PTPRB: variants seen among roughly 807,000 people sequenced by gnomAD.
PTPRB encodes the protein receptor-type tyrosine-protein phosphatase beta.
Under a neutral mutation model 238.1 loss-of-function variants are expected in PTPRB, and 97 were observed. The observed-to-expected ratio is 0.41, with a 90% confidence interval of 0.35 to 0.48. The LOEUF (loss-of-function observed/expected upper bound fraction) is 0.48. PTPRB is among the 20% of genes least tolerant of loss of function. PTPRB has a pLI of 0.30. For synonymous variants in PTPRB, 970 were observed against 995.4 expected (o/e 0.97, Z 0.48); for missense variants, 2,292 against 2,681.9 (o/e 0.85, Z 3.21).
intron 32 of PTPRB, among the ~76,000 whole-genome samples, chr12:70,528,670 A>G (rs77862542): frequency 0.033 from 5,023 of 152,254 alleles, 286 homozygotes; most frequent in African/African-American, 0.11. Flanking sequence ...AAAAATAGAA[A>G]TAATAAATAA....
chr12:70,552,843 C>T lies in PTPRB; in HGVS notation c.5321G>A (p.Gly1774Asp), dbSNP rs1877097199. The change falls in exon 21 of 34, where the codon GGT (glycine) becomes GAT (aspartate). Residue 1774 changes from glycine (G) to aspartate (D), a missense_variant. Gly to Asp is a moderately conservative substitution (Grantham distance 94). Transcript: ENST00000334414. ...TTGCTGAGTGGGATCGCATTTTCCA[C>T]CTAGGCTCTCCATCTCTGCTCCAAG... The part of the protein sequence containing the change: ...IKLGAEMESL[G>D]GKCDPTQQKF... The T allele has an allele frequency of 6.2e-7, 1 of 1,613,994 alleles. No homozygotes were observed. Among genetic ancestry groups the T allele is most frequent in the Non-Finnish European group, 8.5e-7 (1 of 1,179,882 alleles).
intron 9 of PTPRB, chr12:70,585,275 A>G (rs1881783357): frequency 6.6e-6 from 1 of 152,190 alleles, no homozygotes; most frequent in African/African-American, 2.4e-5. Flanking sequence ...GGAAATCTTG[A>G]TGACTTTGCT....
chr12:70,574,578 CG>C (rs1565963618), intron 11 of PTPRB, among the ~76,000 whole-genome samples: 4 of 152,066 alleles, frequency 2.6e-5, no homozygotes, highest in African/African-American at 9.7e-5. Context: ...CCAGGTGGAA[CG>C]GGGTAATTTG....
intron 6 of PTPRB, among the ~76,000 whole-genome samples, chr12:70,593,546 G>GT (rs1882704620): frequency 6.6e-6 from 1 of 150,540 alleles, no homozygotes; most frequent in Non-Finnish European, 1.5e-5. Flanking sequence ...AAAAAGAATG[G>GT]GCACAGCACT....
intron 20 of PTPRB, among the ~76,000 whole-genome samples, chr12:70,553,568 C>A (rs1877220788): frequency 6.6e-6 from 1 of 152,186 alleles, no homozygotes; most frequent in Non-Finnish European, 1.5e-5. Flanking sequence ...AATTTGGCCC[C>A]TTACTCAGAG....
intron 16 of PTPRB, among the ~76,000 whole-genome samples, chr12:70,561,142 C>A (rs376285230): frequency 6.6e-6 from 1 of 152,168 alleles, no homozygotes; most frequent in Non-Finnish European, 1.5e-5. Context: ...GTGGTGACTT[C>A]TAGATGCTTG....
At position 70,594,587 on chromosome 12, in the gene PTPRB, C is replaced by T. The variant is rs751131812; in HGVS notation, c.1396G>A (p.Val466Met). The T allele has an allele frequency of 2.7e-5, 43 of 1,613,888 alleles. 3 individuals are homozygous for T. In the South Asian group the frequency reaches 3.1e-4, roughly 12 times the overall value. The change falls in exon 6 of 34, where the codon GTG becomes ATG. Residue 466 changes from valine to methionine, a missense_variant. This residue lies in a region of PTPRB where 1,205 missense variants were observed against 1,287.8 expected (regional missense o/e 0.94). Coordinates refer to ENST00000334414, the MANE Select transcript of PTPRB (RefSeq NM_001109754.4). The stretch of plus-strand genomic sequence containing the variant: ...GCATAGGAAGTAGCATGTTTGTCCA[C>T]AACACCGCCATGAACTAGGATCCCT... ...DKGILVHGGV[V>M]DKHATSYAFH...
chr12:70,558,910 T>C (rs1878084152), intron 18 of PTPRB: 1 of 213,402 alleles, frequency 4.7e-6, no homozygotes, highest in Non-Finnish European at 9.4e-6. Context: ...TCCTCTCTCA[T>C]CTTGGAATAT....
chr12:70,629,568 T>C (rs1885350524), intron 2 of PTPRB, among the ~76,000 whole-genome samples: 1 of 152,038 alleles, frequency 6.6e-6, no homozygotes, highest in African/African-American at 2.4e-5. Flanking sequence ...ATTCAAAAGC[T>C]AGCAGAAGGT....
intron 11 of PTPRB, among the ~76,000 whole-genome samples, chr12:70,575,202 T>C (rs1880545074): frequency 6.6e-6 from 1 of 152,188 alleles, no homozygotes; most frequent in African/African-American, 2.4e-5. Flanking sequence ...TGAACTCCAC[T>C]ACCAGTCAGC....
chr12:70,559,839 A>AT (rs1878245920), intron 17 of PTPRB, among the ~76,000 whole-genome samples: 1 of 65,810 alleles, frequency 1.5e-5, no homozygotes, highest in Non-Finnish European at 3.1e-5. Context: ...TTTTTTTTTC[A>AT]CTTTTTTTTT....
intron 11 of PTPRB, among the ~76,000 whole-genome samples, chr12:70,576,103 G>A (rs1880656022): frequency 6.6e-6 from 1 of 152,108 alleles, no homozygotes; most frequent in Admixed American, 6.5e-5. Flanking sequence ...GTTCATAAGG[G>A]TTAGTTATAG....
intron 32 of PTPRB, among the ~76,000 whole-genome samples, chr12:70,524,811 T>A (rs1872100304): frequency 6.6e-6 from 1 of 152,074 alleles, no homozygotes; most frequent in East Asian, 1.9e-4. Flanking sequence ...TTCATTCTTT[T>A]TATATATATA....
intron 10 of PTPRB, 100 bp downstream of exon 10, chr12:70,580,936 G>T: frequency 7.4e-7 from 1 of 1,357,806 alleles, no homozygotes. Flanking sequence ...GTAAAGGCCA[G>T]GGATGAGTCT....
In PTPRB at chr12:70,566,454, G is replaced by C; in HGVS notation, c.3885C>G (p.Ala1295=). ...TVSGGLFSKE[A]QTEGRTVPAA... ...AATTACCTGTTCGGCCTTCAGTCTG[G>C]GCTTCCTTGCTAAAGAGGCCTCCAC... The change falls in exon 15 of 34, where the codon GCC becomes GCG. Residue 1295 remains alanine (A), a synonymous_variant. Transcript: ENST00000334414. The C allele has an allele frequency of 6.2e-7, 1 of 1,613,804 alleles. No individual in the cohort carries two copies. The highest frequency in any genetic ancestry group is 8.5e-7 in the Non-Finnish European group (1 of 1,179,816).
rs1437311516 is a variant in PTPRB at position 70,563,285 on chromosome 12, AC to A, written c.3905-179del. On this transcript the variant is annotated intron_variant, in intron 15 of 33. Coordinates refer to ENST00000334414, the MANE Select transcript of PTPRB (RefSeq NM_001109754.4). ...AAATCTTCATGTTAGAATTTTGCAAACCCTTTTGGACTTCTGTGCTACCTCT... is the reference window on the plus strand; with the variant it reads ...AAATCTTCATGTTAGAATTTTGCAAACCTTTTGGACTTCTGTGCTACCTCT... Among the ~76,000 whole-genome samples, 8 of 152,220 alleles carry A rather than the reference AC, an allele frequency of 5.3e-5. No homozygotes were observed. In the South Asian group the frequency reaches 1.5e-3, roughly 28 times the overall value.
Position 70,564,211 on chromosome 12 carries a change from A to G in PTPRB, c.3905-1104T>C, listed in dbSNP as rs897294529. Among the ~76,000 whole-genome samples, 10 of 152,226 alleles carry G rather than the reference A, an allele frequency of 6.6e-5. No homozygotes were observed. The East Asian group carries it at 1.9e-3, about 29-fold the overall frequency. On this transcript the variant is annotated intron_variant, in intron 15 of 33. Coordinates refer to ENST00000334414, the MANE Select transcript of PTPRB (RefSeq NM_001109754.4). Reference sequence around the variant, plus strand: ...CAATGAAGTCTTTGGGGACTGTACTATCTAAAATTGTAAGTCCCGACCAGG... The same window carrying G: ...CAATGAAGTCTTTGGGGACTGTACTGTCTAAAATTGTAAGTCCCGACCAGG...
intron 31 of PTPRB, 120 bp from the exon 32 acceptor site, chr12:70,532,290 A>G (rs1873382237): frequency 4.0e-6 from 5 of 1,259,742 alleles, no homozygotes; most frequent in Non-Finnish European, 5.4e-6. Flanking sequence ...AGATAGGAAT[A>G]TTTCTTTCTC....
intron 21 of PTPRB, among the ~76,000 whole-genome samples, chr12:70,551,991 C>T (rs1876952728): frequency 6.6e-6 from 1 of 152,114 alleles, no homozygotes; most frequent in Non-Finnish European, 1.5e-5. Context: ...GGGGTCTTTG[C>T]CTTCCAGAGT....
Sources: gnomAD v4.1 joint callset for allele counts (sites outside exome capture counted in the v4.1 genomes callset) on GRCh38, gnomAD v4.1.1 for gene constraint, gnomAD v4.1.1 regional missense constraint, MANE v1.5 for transcripts, NCBI Gene and HGNC (gene_info 2026-07-23, HGNC 2026-07-21) for gene names.